UNC13B: variants seen among roughly 807,000 people sequenced by gnomAD.
The protein encoded by UNC13B is unc-13 homolog B, also known as protein unc-13 homolog B.
UNC13B carries 144 observed loss-of-function variants against 211.0 expected under a neutral mutation model. The observed-to-expected ratio is 0.68, with a 90% confidence interval of 0.60 to 0.78. The LOEUF is 0.78. Among genes scored for constraint, UNC13B ranks in the 30% least tolerant of loss-of-function variants. The pLI is 0.00. For missense variants in UNC13B, 1,777 were observed against 2,002.0 expected (o/e 0.89, Z 2.14); for synonymous variants, 709 against 725.8 (o/e 0.98, Z 0.37).
chr9:35,247,103 C>T (rs1224533266), intron 6 of UNC13B, among the ~76,000 whole-genome samples: 1 of 152,054 alleles, frequency 6.6e-6, no homozygotes, highest in Non-Finnish European at 1.5e-5. Context: ...GTATTTTATT[C>T]TCTTTGAAGC....
At chr9:35,289,841 T>A (rs1828997961) in intron 7 of UNC13B, among the ~76,000 whole-genome samples, 2 of 151,858 alleles carry the variant, frequency 1.3e-5, no homozygotes, top group Non-Finnish European at 2.9e-5. Context: ...GCCAGGCGTG[T>A]TGGTAGGCGC....
intron 11 of UNC13B, among the ~76,000 whole-genome samples, chr9:35,327,008 T>A (rs892177386): frequency 1.3e-5 from 2 of 152,198 alleles, no homozygotes; most frequent in Admixed American, 6.5e-5. Context: ...CCTACTCCTG[T>A]TCCTTTTTAA....
intron 11 of UNC13B, among the ~76,000 whole-genome samples, chr9:35,319,127 T>G (rs1213355954): frequency 6.6e-6 from 1 of 152,156 alleles, no homozygotes; most frequent in African/African-American, 2.4e-5. Flanking sequence ...AAAAATAATT[T>G]CAACTTCTAT....
intron 1 of UNC13B, among the ~76,000 whole-genome samples, chr9:35,176,270 G>A (rs7033763): frequency 0.82 from 124,434 of 151,990 alleles, 51,204 homozygotes; most frequent in East Asian, 0.98. Context: ...CTATTGGGCC[G>A]GGTGTGGTGG....
chr9:35,378,297 G>C lies in UNC13B; in HGVS notation c.10066G>C (p.Val3356Leu). ...TCCTATACATGCTTGGGTTGCAGTG[G>C]TGTGTGCCCAGGGCCTACAAGCCAA... ...KWSAKITITV[V>L]CAQGLQAKDK... Residue 3356 changes from valine (V) to leucine (L), a missense_variant and splice_region_variant, in exon 17 of 40, where the codon GTG becomes CTG. Val to Leu is a conservative substitution (Grantham distance 32). Transcript: ENST00000635942. 6.2e-7 allele frequency: 1 copy of C among 1,614,164 alleles called. No homozygotes were observed. The highest frequency in any genetic ancestry group is 1.3e-5 in the African/African-American group (1 of 75,042).
intron 4 of UNC13B, among the ~76,000 whole-genome samples, chr9:35,236,969 C>A (rs1825547724): frequency 6.6e-6 from 1 of 152,134 alleles, no homozygotes; most frequent in African/African-American, 2.4e-5. Context: ...TGGCTATTCT[C>A]TGCTTTGTTT....
chr9:35,340,084 C>T (rs1343899611), intron 11 of UNC13B, among the ~76,000 whole-genome samples: 4 of 152,220 alleles, frequency 2.6e-5, no homozygotes, highest in Admixed American at 6.5e-5. Flanking sequence ...ACCTCCTTCT[C>T]CTGGCTGAAG....
At chr9:35,310,869 T>G (rs1326905699) in intron 10 of UNC13B, 88 bp downstream of exon 10, 1 of 1,317,300 alleles carries the variant, frequency 7.6e-7, no homozygotes, top group African/African-American at 1.5e-5. Flanking sequence ...GTCATTTGTT[T>G]CCCTGCAGCT....
At chr9:35,178,421 C>T (rs1415522728) in intron 1 of UNC13B, among the ~76,000 whole-genome samples, 1 of 151,794 alleles carries the variant, frequency 6.6e-6, no homozygotes, top group Non-Finnish European at 1.5e-5. Flanking sequence ...TGCTTAAACC[C>T]AGGAGGCGGA....
At chr9:35,346,588 G>A (rs1168481470) in intron 11 of UNC13B, among the ~76,000 whole-genome samples, 1 of 152,084 alleles carries the variant, frequency 6.6e-6, no homozygotes, top group Non-Finnish European at 1.5e-5. Flanking sequence ...GTTTTGATGT[G>A]CTCCCTTTTC....
chr9:35,375,281 G>A, intron 14 of UNC13B, 80 bp downstream of exon 14: 1 of 1,440,190 alleles, frequency 6.9e-7, no homozygotes, highest in African/African-American at 1.4e-5. Context: ...TTAATAATTG[G>A]GAATTCTGGG....
At position 35,321,305 on chromosome 9, in the gene UNC13B, T is replaced by G. The variant is rs148404612; in HGVS notation, c.9414+7316T>G. Among the ~76,000 whole-genome samples, 480 of 152,258 alleles carry G rather than the reference T, an allele frequency of 3.2e-3. 4 individuals are homozygous for G. Among genetic ancestry groups the G allele is most frequent in the African/African-American group, 0.011 (451 of 41,558 alleles). On this transcript the variant is annotated intron_variant, in intron 11 of 39. Coordinates refer to ENST00000635942, the MANE Select transcript of UNC13B (RefSeq NM_001371189.2). ...GTACAAGCACAGCTCACTGCAGCCT[T>G]GACCTTCCAGGCTCAAGTGATCCTC...
At chr9:35,315,054 A>AATTT (rs1260904160) in intron 11 of UNC13B, among the ~76,000 whole-genome samples, 1 of 135,368 alleles carries the variant, frequency 7.4e-6, no homozygotes, top group Non-Finnish European at 1.6e-5. Flanking sequence ...TTTAAAAAAA[A>AATTT]TTTTTTTTTT....
intron 8 of UNC13B, among the ~76,000 whole-genome samples, chr9:35,297,561 T>TTTTTTTTGTTTTTTGTTTTTTTG: frequency 7.8e-6 from 1 of 128,164 alleles, no homozygotes; most frequent in Non-Finnish European, 1.7e-5. Context: ...TTTTTTTTTT[T>TTTTTTTTGTTTTTTGTTTTTTTG]TTTTTTGAGA....
chr9:35,241,056 C>A lies in UNC13B; in HGVS notation c.395-2235C>A, dbSNP rs371131802. On this transcript the variant is annotated intron_variant, in intron 5 of 39. Coordinates refer to ENST00000635942, the MANE Select transcript of UNC13B (RefSeq NM_001371189.2). Reference sequence around the variant, plus strand: ...TAGGTGATAGAGCAAGACTCTGTCTCAAAAAAAAAAAAAAAATCAGTAATA... The same window carrying A: ...TAGGTGATAGAGCAAGACTCTGTCTAAAAAAAAAAAAAAAAATCAGTAATA... Among the ~76,000 whole-genome samples, 372 of 133,060 alleles carry A rather than the reference C, an allele frequency of 2.8e-3. 1 individual carries two copies. The highest frequency in any genetic ancestry group is 4.0e-3 in the Middle Eastern group (1 of 250). 87.3% of individuals were successfully genotyped at this position (133,060 alleles called of 152,430 possible).
In UNC13B at chr9:35,399,657, G is replaced by T; in HGVS notation, c.12264G>T (p.Met4088Ile). The T allele has an allele frequency of 6.2e-7, 1 of 1,614,098 alleles. No homozygotes were observed. Among genetic ancestry groups the T allele is most frequent in the Non-Finnish European group, 8.5e-7 (1 of 1,180,022 alleles). The change falls in exon 36 of 40, where the codon ATG becomes ATT. Residue 4088 changes from methionine (M) to isoleucine (I), a missense_variant. Physicochemically the swap from Met to Ile is conservative, Grantham distance 10 (BLOSUM62 1). Transcript: ENST00000635942. ...CTGATTTCTCTGAACAGGATCACAT[G>T]GTACGAGAGGAAACACGGAATCTCA... Reference protein sequence around the residue: ...LSHLSKLKDHMVREETRNLTP... With the variant: ...LSHLSKLKDHIVREETRNLTP...
chr9:35,337,766 A>G (rs1049030926), intron 11 of UNC13B, among the ~76,000 whole-genome samples: 26 of 152,264 alleles, frequency 1.7e-4, no homozygotes, highest in African/African-American at 6.0e-4. Flanking sequence ...CCACAAGACT[A>G]TAGAAACAGG....
At position 35,298,190 on chromosome 9, in the gene UNC13B, G is replaced by A. The variant is rs149072503; in HGVS notation, c.762-1976G>A. ...TCCCAGCACTTTGGGAGGCCAAGGC[G>A]GGAGGATCACTGGAGTCCAAGAGCT... On this transcript the variant is annotated intron_variant, in intron 8 of 39. Coordinates refer to ENST00000635942, the MANE Select transcript of UNC13B (RefSeq NM_001371189.2). Among the ~76,000 whole-genome samples, 144 of 152,252 alleles carry A rather than the reference G, an allele frequency of 9.5e-4. 1 individual carries two copies. The East Asian group carries it at 0.02, about 21-fold the overall frequency.
At chr9:35,185,824 G>C (rs1323342476) in intron 1 of UNC13B, among the ~76,000 whole-genome samples, 1 of 151,752 alleles carries the variant, frequency 6.6e-6, no homozygotes, top group African/African-American at 2.4e-5. Flanking sequence ...AGGCTGAGGA[G>C]GGAGGATTTC....
Sources: allele counts gnomAD v4.1 joint callset (sites outside exome capture counted in the v4.1 genomes callset), GRCh38; gene constraint gnomAD v4.1.1; transcripts MANE v1.5; gene names NCBI Gene and HGNC (gene_info 2026-07-23, HGNC 2026-07-21).